TMEM232: variants seen among roughly 807,000 people sequenced by gnomAD.
TMEM232 encodes transmembrane protein 232.
A neutral mutation model predicts 78.8 loss-of-function variants in TMEM232; 80 were observed. The ratio of observed to expected loss-of-function variants is 1.01; its 90% CI spans 0.85 to 1.22. TMEM232 has a LOEUF of 1.22. Among genes scored for constraint, TMEM232 ranks in the 50% most tolerant of loss-of-function variants. TMEM232 has a pLI of 0.00. For missense variants in TMEM232, 881 were observed against 742.2 expected, an observed-to-expected ratio of 1.19 and a Z score of -2.17; for synonymous variants, 297 against 254.3, an observed-to-expected ratio of 1.17 and a Z score of -1.60.
At chr5:110,407,075 G>T (rs1444602666) in intron 2 of TMEM232, among the ~76,000 whole-genome samples, 1 of 152,080 alleles carries the variant, frequency 6.6e-6, no homozygotes, top group Non-Finnish European at 1.5e-5. Context: ...AAGGGAAGAA[G>T]AGGAAAGTCT....
At chr5:110,432,515 C>G (rs1757969165) in intron 12 of TMEM232, among the ~76,000 whole-genome samples, 1 of 151,534 alleles carries the variant, frequency 6.6e-6, no homozygotes, top group East Asian at 1.9e-4. Flanking sequence ...AACACTTGCT[C>G]CCACAAAAGC....
At chr5:110,656,340 C>T (rs1017342468) in intron 2 of TMEM232, among the ~76,000 whole-genome samples, 26 of 152,098 alleles carry the variant, frequency 1.7e-4, no homozygotes, top group Non-Finnish European at 2.4e-4. Context: ...TACTGAAAGA[C>T]GGAAAAAGGC....
At chr5:110,524,411 G>GAAAGAAAGA (rs1554098914) in intron 12 of TMEM232, among the ~76,000 whole-genome samples, 121 of 61,426 alleles carry the variant, frequency 2.0e-3, no homozygotes, top group Admixed American at 0.016. Context: ...AAGAAAGAAA[G>GAAAGAAAGA]AAAGAAAAGA....
intron 2 of TMEM232, among the ~76,000 whole-genome samples, chr5:110,650,347 T>G (rs1269844788): frequency 6.6e-6 from 1 of 152,028 alleles, no homozygotes; most frequent in Non-Finnish European, 1.5e-5. Flanking sequence ...TGTTGAGAAG[T>G]AGAAATTGAT....
intron 11 of TMEM232, among the ~76,000 whole-genome samples, chr5:110,542,645 T>C (rs781020746): frequency 6.6e-6 from 1 of 151,902 alleles, no homozygotes; most frequent in Non-Finnish European, 1.5e-5. Flanking sequence ...GGGGATTGTG[T>C]CTCTCAGGGG....
In TMEM232 at chr5:110,585,786, G is replaced by C. The variant is rs183376324; in HGVS notation, c.1277-17161C>G. 1.5e-3 allele frequency among the ~76,000 whole-genome samples: 224 copies of C among 152,118 alleles called. 1 individual carries two copies. The highest frequency in any genetic ancestry group is 0.012 in the Admixed American group (188 of 15,236). The stretch of plus-strand genomic sequence containing the variant: ...AGCAGTTTCTCATCCAGCTCCCTGC[G>C]GTCTCTGAAGTCCCTGATTTAGGGC... On this transcript the variant is annotated intron_variant, in intron 10 of 13. Transcript: ENST00000455884.
At chr5:110,718,660 G>C (rs1797269128) in intron 1 of TMEM232, among the ~76,000 whole-genome samples, 1 of 151,828 alleles carries the variant, frequency 6.6e-6, no homozygotes, top group Non-Finnish European at 1.5e-5. Flanking sequence ...GAAGTTTTTT[G>C]CCATTATCTC....
At chr5:110,471,368 G>A (rs933952698) in intron 12 of TMEM232, among the ~76,000 whole-genome samples, 2 of 152,116 alleles carry the variant, frequency 1.3e-5, no homozygotes, top group African/African-American at 2.4e-5. Flanking sequence ...AACTTCCCAA[G>A]TGTTTGAAGA....
At chr5:110,712,215 T>G (rs1796563181) in intron 1 of TMEM232, among the ~76,000 whole-genome samples, 1 of 151,032 alleles carries the variant, frequency 6.6e-6, no homozygotes, top group Middle Eastern at 3.5e-3. Flanking sequence ...TAATACCCCA[T>G]GAACACAGGC....
At chr5:110,709,570 A>C (rs975172345) in intron 1 of TMEM232, among the ~76,000 whole-genome samples, 1 of 152,084 alleles carries the variant, frequency 6.6e-6, no homozygotes, top group Non-Finnish European at 1.5e-5. Flanking sequence ...CTAGAAACCA[A>C]TAGAAGAGGA....
chr5:110,406,020 CAG>C (rs896624953), intron 2 of TMEM232, among the ~76,000 whole-genome samples: 15 of 151,612 alleles, frequency 9.9e-5, no homozygotes, highest in African/African-American at 2.9e-4. Context: ...TAAAAACAGA[CAG>C]GGGAAAACAG....
downstream of TMEM232, among the ~76,000 whole-genome samples, chr5:110,416,969 C>T (rs1257011532): frequency 2.0e-5 from 3 of 152,164 alleles, no homozygotes; most frequent in East Asian, 5.8e-4. Context: ...GCTTCTGTTA[C>T]TCAGAATTTA....
rs1172570498 is a variant in TMEM232, at chr5:110,587,681, ATATATATATATGTGTG to A, written c.1276+17412_1276+17427del. Among the ~76,000 whole-genome samples the A allele has an allele frequency of 3.0e-3, 314 of 105,578 alleles. 2 individuals are homozygous for A. The highest frequency in any genetic ancestry group is 0.014 in the African/African-American group (307 of 21,446). The allele number at this position is 105,578 out of a possible 152,430, so 69.3% of individuals were successfully genotyped here. On this transcript the variant is annotated intron_variant, in intron 10 of 13. Coordinates refer to ENST00000455884, the MANE Select transcript of TMEM232 (RefSeq NM_001039763.4). ...CATGTATGTATATATATATATATAT[ATATATATATATGTGTG>A]TGTGTGTGTGTGTGTGTGTGTGTGT...
chr5:110,546,430 C>T (rs190891736), intron 11 of TMEM232, among the ~76,000 whole-genome samples: 1 of 151,954 alleles, frequency 6.6e-6, no homozygotes, highest in Admixed American at 6.6e-5. Context: ...TACTTAATTC[C>T]ATAAACACTG....
At chr5:110,707,324 A>G (rs1796024216) in intron 1 of TMEM232, among the ~76,000 whole-genome samples, 1 of 152,220 alleles carries the variant, frequency 6.6e-6, no homozygotes, top group Non-Finnish European at 1.5e-5. Context: ...CATGGCACAG[A>G]AAAAGAATGT....
In TMEM232 at chr5:110,521,836, A is replaced by C. The variant is rs563618227; in HGVS notation, c.1703+6752T>G. ...AGCCTATACATCTGTCTTTATGCTAATACCATACTCTTTTAATTATGGTAG... is the reference window on the plus strand; with the variant it reads ...AGCCTATACATCTGTCTTTATGCTACTACCATACTCTTTTAATTATGGTAG... On this transcript the variant is annotated intron_variant, in intron 12 of 13. Transcript: ENST00000455884. Among the ~76,000 whole-genome samples the C allele has an allele frequency of 6.6e-5, 10 of 152,136 alleles. 1 individual carries two copies. The highest frequency in any genetic ancestry group is 5.9e-4 in the Admixed American group (9 of 15,274).
At chr5:110,651,155 G>A (rs774227724) in intron 2 of TMEM232, among the ~76,000 whole-genome samples, 21 of 152,124 alleles carry the variant, frequency 1.4e-4, no homozygotes, top group Non-Finnish European at 3.1e-4. Flanking sequence ...CTGATAGGCA[G>A]TCACTTGTCT....
upstream of TMEM232, among the ~76,000 whole-genome samples, chr5:110,728,189 A>T (rs577288095): frequency 2.6e-5 from 4 of 152,104 alleles, no homozygotes; most frequent in East Asian, 7.7e-4. Context: ...ACAACAGAAC[A>T]AGTTTATATA....
chr5:110,582,023 G>T (rs932069994), intron 10 of TMEM232, among the ~76,000 whole-genome samples: 1 of 151,886 alleles, frequency 6.6e-6, no homozygotes, highest in African/African-American at 2.4e-5. Context: ...TCCGGCAAAA[G>T]TTGCAGAGAA....
Sources: allele counts gnomAD v4.1 joint callset (sites outside exome capture counted in the v4.1 genomes callset), GRCh38; gene constraint gnomAD v4.1.1; transcripts MANE v1.5; gene names NCBI Gene and HGNC (gene_info 2026-07-23, HGNC 2026-07-21).